Variants in MEIG1 observed in about 807,000 individuals in gnomAD.
MEIG1 encodes meiosis/spermiogenesis associated 1, also known as meiosis expressed gene 1 protein homolog.
Under a neutral mutation model 11.3 loss-of-function variants are expected in MEIG1, and 12 were observed. That is an observed-to-expected ratio of 1.07 (90% CI 0.68 to 1.73). MEIG1 has a LOEUF of 1.73. Among genes scored for constraint, MEIG1 ranks in the 40% most tolerant of loss-of-function variants. MEIG1 has a pLI of 0.00. For synonymous variants in MEIG1, 41 were observed against 33.2 expected (o/e 1.24, Z -0.81); for missense variants, 119 against 104.9 (o/e 1.13, Z -0.59).
chr10:14,971,948 C>T (rs114044981), intron 2 of MEIG1, among the ~76,000 whole-genome samples: 1 of 151,906 alleles, frequency 6.6e-6, no homozygotes, highest in African/African-American at 2.4e-5. Flanking sequence ...AAGACTCTGT[C>T]TCCAAAATAA....
chr10:14,985,029 T>C (rs958797052), intron 1 of MEIG1, among the ~76,000 whole-genome samples: 64 of 151,974 alleles, frequency 4.2e-4, no homozygotes, highest in Middle Eastern at 6.8e-3. Context: ...ATTATTCGTA[T>C]TGTCTTGAAG....
At chr10:14,960,819 G>C (rs900334897) in intron 1 of MEIG1, among the ~76,000 whole-genome samples, 6 of 151,982 alleles carry the variant, frequency 3.9e-5, no homozygotes, top group African/African-American at 1.4e-4. Flanking sequence ...CTGAGGTCGG[G>C]AATTCGAGAC....
At chr10:14,967,424 G>A (rs569732617) in intron 2 of MEIG1, among the ~76,000 whole-genome samples, 1 of 152,016 alleles carries the variant, frequency 6.6e-6, no homozygotes, top group Admixed American at 6.6e-5. Flanking sequence ...CTTTATGAAG[G>A]CTAGACCAAA....
At chr10:14,980,263 A>G (rs1457698355) in intron 1 of MEIG1, among the ~76,000 whole-genome samples, 1 of 152,118 alleles carries the variant, frequency 6.6e-6, no homozygotes, top group East Asian at 1.9e-4. Flanking sequence ...GTAATATCCT[A>G]GAGTGATGTT....
chr10:14,957,135 A>G (rs1842960222), upstream of MEIG1, among the ~76,000 whole-genome samples: 1 of 152,196 alleles, frequency 6.6e-6, no homozygotes, highest in Non-Finnish European at 1.5e-5. Context: ...ACTGTCTACC[A>G]TTTATGTAGT....
At position 14,960,158 on chromosome 10, in the gene MEIG1, C is replaced by T. The variant is rs143241404; in HGVS notation, c.-30+601C>T. 4.8e-3 allele frequency among the ~76,000 whole-genome samples: 734 copies of T among 152,258 alleles called. 3 individuals are homozygous for T. Among genetic ancestry groups the T allele is most frequent in the African/African-American group, 0.016 (655 of 41,562 alleles). On this transcript the variant is annotated intron_variant, in intron 1 of 2. Transcript: ENST00000407572. ...CTTTAAGTTAGGAAACAGGCGCAGGCGTGTTCATGGCCTTGCCTAAGGTTA... is the reference window on the plus strand; with the variant it reads ...CTTTAAGTTAGGAAACAGGCGCAGGTGTGTTCATGGCCTTGCCTAAGGTTA...
At chr10:14,955,197 G>T (rs186078815), upstream of MEIG1, among the ~76,000 whole-genome samples, 4 of 152,326 alleles carry the variant, frequency 2.6e-5, no homozygotes, top group Non-Finnish European at 4.4e-5. Flanking sequence ...CTCCCAAAGT[G>T]CTGGGTGAGC....
intron 1 of MEIG1, among the ~76,000 whole-genome samples, chr10:14,963,719 C>G (rs1025295713): frequency 6.6e-6 from 1 of 152,152 alleles, no homozygotes; most frequent in Admixed American, 6.5e-5. Flanking sequence ...AATCACAGCA[C>G]TTTGGGAGGC....
At chr10:14,978,707 G>A (rs113781339) in intron 1 of MEIG1, among the ~76,000 whole-genome samples, 182 of 151,990 alleles carry the variant, frequency 1.2e-3, no homozygotes, top group African/African-American at 4.0e-3. Flanking sequence ...TATATTAGCC[G>A]TGATATCCTA....
At chr10:14,961,289 G>A (rs1158474460) in intron 1 of MEIG1, among the ~76,000 whole-genome samples, 1 of 152,136 alleles carries the variant, frequency 6.6e-6, no homozygotes, top group African/African-American at 2.4e-5. Flanking sequence ...GTGGGTACTC[G>A]AATTACTGAA....
chr10:14,966,339 G>C, intron 1 of MEIG1, 101 bp from the exon 2 acceptor site: 1 of 682,872 alleles, frequency 1.5e-6, no homozygotes, highest in Non-Finnish European at 2.3e-6. Flanking sequence ...TGGGATTACA[G>C]GTGTGAGCCA....
chr10:14,957,439 A>G (rs1282171036), upstream of MEIG1, among the ~76,000 whole-genome samples: 1 of 152,120 alleles, frequency 6.6e-6, no homozygotes, highest in African/African-American at 2.4e-5. Context: ...TTTAGCACCT[A>G]CTGTGTGCTA....
At chr10:14,972,289 A>G (rs542987343) in intron 2 of MEIG1, among the ~76,000 whole-genome samples, 5 of 152,280 alleles carry the variant, frequency 3.3e-5, no homozygotes, top group African/African-American at 4.8e-5. Flanking sequence ...TGCTGGGATT[A>G]CAGGCATGAG....
chr10:14,984,497 A>G (rs1843298736), intron 1 of MEIG1, among the ~76,000 whole-genome samples: 1 of 152,110 alleles, frequency 6.6e-6, no homozygotes, highest in Non-Finnish European at 1.5e-5. Flanking sequence ...GAATGTCACA[A>G]TGTGTGTACA....
Position 14,985,277 on chromosome 10 carries a change from A to G in MEIG1, n.67-1519A>G, listed in dbSNP as rs188043728. Among the ~76,000 whole-genome samples, 82 of 152,080 alleles carry G rather than the reference A, an allele frequency of 5.4e-4. 1 individual carries two copies. Among genetic ancestry groups the G allele is most frequent in the East Asian group, 3.5e-3 (18 of 5,176 alleles). On this transcript the variant is annotated intron_variant and non_coding_transcript_variant, in intron 1 of 2. Transcript: ENST00000467536. ...GTCACGGGGGTATACACCCTGTGAT[A>G]TGACTCGTCATATCCTGGCGGGATG...
Position 14,972,609 on chromosome 10 carries a change from GA to G in MEIG1, c.237del (p.Val80SerfsTer4). On this transcript the variant is annotated frameshift_variant, in exon 3 of 3. Transcript: ENST00000407572. LOFTEE classifies it high-confidence loss of function. ...CAAACAGAGGGAATGTGATGACAAA[GA>G]AGTCCACAAAGTGAAAATTTATGCT... ...YNKQRECDDK[E>X]VHKVKIYAY The G allele has an allele frequency of 6.2e-7, 1 of 1,612,374 alleles. No homozygotes were observed. Among genetic ancestry groups the G allele is most frequent in the East Asian group, 2.2e-5 (1 of 44,842 alleles).
intron 1 of MEIG1, among the ~76,000 whole-genome samples, chr10:14,983,566 T>C (rs1292275002): frequency 2.6e-5 from 4 of 151,978 alleles, no homozygotes; most frequent in Non-Finnish European, 5.9e-5. Flanking sequence ...CTATTGTTCT[T>C]AATATTCAAA....
chr10:14,986,650 C>A, intron 1 of MEIG1: 1 of 227,052 alleles, frequency 4.4e-6, no homozygotes, highest in South Asian at 6.1e-5. Context: ...CTTTCTGTTG[C>A]CCAGGTTGGA....
chr10:14,971,141 C>T (rs1360163902), intron 2 of MEIG1, among the ~76,000 whole-genome samples: 1 of 151,222 alleles, frequency 6.6e-6, no homozygotes, highest in Non-Finnish European at 1.5e-5. Flanking sequence ...AATCCCAACA[C>T]TTTGGAAAGC....
Sources: allele counts gnomAD v4.1 joint callset (sites outside exome capture counted in the v4.1 genomes callset), GRCh38; gene constraint gnomAD v4.1.1; transcripts MANE v1.5; gene names NCBI Gene and HGNC (gene_info 2026-07-23, HGNC 2026-07-21).